Variants in NDUFS7 observed in about 807,000 individuals in gnomAD.
NDUFS7 encodes NADH:ubiquinone oxidoreductase core subunit S7.
Under a neutral mutation model 31.1 loss-of-function variants are expected in NDUFS7, and 11 were observed. That is an observed-to-expected ratio of 0.35 (90% CI 0.22 to 0.59). NDUFS7 has a LOEUF of 0.59. Ranked by LOEUF, NDUFS7 falls within the 20% of genes least tolerant of loss-of-function variation. The probability of loss-of-function intolerance (pLI) is 0.79; values close to 1 mark genes in which losing one functional copy is unlikely to be tolerated. For synonymous variants in NDUFS7, 136 were observed against 127.9 expected (o/e 1.06, Z -0.43); for missense variants, 263 against 324.2 (o/e 0.81, Z 1.45).
In NDUFS7 at chr19:1,395,359, C is replaced by T. The variant is rs200702059; in HGVS notation, c.545-32C>T. ...CACGCGGTCACGCGGGCTCCGGCTG[C>T]GGGAAGCGAGACTGAGGCAAGGTCC... On this transcript the variant is annotated intron_variant, in intron 7 of 7. Coordinates refer to ENST00000233627, the MANE Select transcript of NDUFS7 (RefSeq NM_024407.5). 105 of 1,587,592 alleles carry T rather than the reference C, an allele frequency of 6.6e-5. 1 individual carries two copies. The Admixed American group carries it at 1.5e-3, about 22-fold the overall frequency.
chr19:1,389,451 G>T, intron 4 of NDUFS7: 1 of 457,846 alleles, frequency 2.2e-6, no homozygotes, highest in Non-Finnish European at 4.4e-6. Context: ...GGACCCTCCC[G>T]GAGGCCCCTG....
chr19:1,391,285 C>A, intron 6 of NDUFS7, 120 bp downstream of exon 6: 1 of 1,298,962 alleles, frequency 7.7e-7, no homozygotes, highest in Non-Finnish European at 1.1e-6. Context: ...GTGGTCCCGG[C>A]GCTGCCCTTC....
Position 1,388,902 on chromosome 19 carries a change from G to A in NDUFS7, c.192G>A (p.Val64=), listed in dbSNP as rs759573368. 3 of 1,610,286 alleles carry A rather than the reference G, an allele frequency of 1.9e-6. No individual in the cohort carries two copies. Among genetic ancestry groups the A allele is most frequent in the Middle Eastern group, 1.7e-4 (1 of 6,056 alleles). ...PKPSSRGEYV[V]AKLDDLVNWA... is the part of the protein sequence containing the mutation. ...CCAGCAGCCGGGGCGAGTATGTGGT[G>A]GCCAAGCTGGATGACCTCGTCAACT... The change falls in exon 4 of 8, where the codon GTG becomes GTA. Residue 64 remains valine, a synonymous_variant. Coordinates refer to ENST00000233627, the MANE Select transcript of NDUFS7 (RefSeq NM_024407.5).
chr19:1,391,242 C>G, intron 6 of NDUFS7, 77 bp downstream of exon 6: 1 of 1,508,994 alleles, frequency 6.6e-7, no homozygotes. Flanking sequence ...TGGCGCTTAT[C>G]AAAAGTGTCA....
intron 4 of NDUFS7, chr19:1,389,453 A>C: frequency 2.2e-6 from 1 of 457,810 alleles, no homozygotes; most frequent in South Asian, 1.5e-5. Flanking sequence ...ACCCTCCCGG[A>C]GGCCCCTGTG....
chr19:1,388,814 C>G lies in NDUFS7; in HGVS notation c.123-19C>G, dbSNP rs1367535296. 1 of 1,576,944 alleles carries G rather than the reference C, an allele frequency of 6.3e-7. No homozygotes were observed. The highest frequency in any genetic ancestry group is 1.3e-5 in the African/African-American group (1 of 74,234). On this transcript the variant is annotated intron_variant, in intron 3 of 7. Transcript: ENST00000233627. ...CCTGCGTGGCTGACGCCTCCTGTGC[C>G]CGTGTGTCTCTGTGCCAGCACCCAG... is the stretch of plus-strand genomic sequence containing the variant.
In NDUFS7 at chr19:1,387,832, G is replaced by T. The variant is rs373814004; in HGVS notation, c.38G>T (p.Arg13Leu). The T allele has an allele frequency of 6.2e-7, 1 of 1,610,078 alleles. No individual in the cohort carries two copies. The highest frequency in any genetic ancestry group is 8.5e-7 in the Non-Finnish European group (1 of 1,179,650). ...VLSAPGLRGF[R>L]ILGLRSSVGP... ...GCAGCTCCTGGCCTGCGCGGCTTCCGGATCCTTGGTCTGCGGTGAGTGCCT... is the reference window on the plus strand; with the variant it reads ...GCAGCTCCTGGCCTGCGCGGCTTCCTGATCCTTGGTCTGCGGTGAGTGCCT... The change falls in exon 2 of 8, where the codon CGG (arginine) becomes CTG (leucine). Residue 13 changes from arginine to leucine, a missense_variant. Coordinates refer to ENST00000233627, the MANE Select transcript of NDUFS7 (RefSeq NM_024407.5).
At chr19:1,388,653 T>G in intron 3 of NDUFS7, 60 bp downstream of exon 3, 2 of 1,558,602 alleles carry the variant, frequency 1.3e-6, no homozygotes, top group Non-Finnish European at 1.8e-6. Context: ...CCCTTCCTTA[T>G]TTTCTGCATC....
Position 1,387,919 on chromosome 19 carries a change from GT to G in NDUFS7, c.53+73del, listed in dbSNP as rs149945051. On this transcript the variant is annotated intron_variant, in intron 2 of 7. Coordinates refer to ENST00000233627, the MANE Select transcript of NDUFS7 (RefSeq NM_024407.5). ...GCGACAGACGAACGGGGCGGGGGGG[GT>G]GGGGGGTGGGGGGAGCGCCTTGTTG... The G allele has an allele frequency of 0.23, 71,360 of 308,446 alleles. 17,728 individuals carry two copies. The highest frequency in any genetic ancestry group is 0.33 in the African/African-American group (10,229 of 31,034). 19.1% of individuals were successfully genotyped at this position (308,446 alleles called of 1,614,324 possible).
At chr19:1,391,076 C>T (rs375498665) in intron 5 of NDUFS7, 26 bp downstream of exon 5, 101 of 1,612,358 alleles carry the variant, frequency 6.3e-5, no homozygotes, top group African/African-American at 4.9e-4. Flanking sequence ...GCCGCCCAGC[C>T]GCCCCCAGAG....
intron 4 of NDUFS7, chr19:1,389,633 C>G: frequency 2.5e-6 from 1 of 402,900 alleles, no homozygotes; most frequent in Non-Finnish European, 5.1e-6. Flanking sequence ...AGATCCTTCT[C>G]GGTACCCGTT....
intron 7 of NDUFS7, chr19:1,395,086 T>C: frequency 7.7e-7 from 1 of 1,296,078 alleles, no homozygotes; most frequent in Non-Finnish European, 9.9e-7. Context: ...CATTGAGTCC[T>C]GAGGGCTGGG....
chr19:1,389,075 A>G, intron 4 of NDUFS7, 137 bp downstream of exon 4: 2 of 777,788 alleles, frequency 2.6e-6, no homozygotes, highest in South Asian at 1.5e-5. Flanking sequence ...GCACATGTGC[A>G]TGCAAGCTCA....
intron 7 of NDUFS7, 52 bp from the exon 8 acceptor site, chr19:1,395,339 G>C: frequency 6.4e-7 from 1 of 1,567,238 alleles, no homozygotes; most frequent in Non-Finnish European, 8.6e-7. Flanking sequence ...CTGTGCACGC[G>C]GTCACGCGGG....
chr19:1,395,169 T>C (rs1250191579), intron 7 of NDUFS7: 2 of 1,414,270 alleles, frequency 1.4e-6, no homozygotes. Flanking sequence ...GAGCCACGGG[T>C]GGAGGGCAGT....
intron 1 of NDUFS7, 67 bp from the exon 2 acceptor site, chr19:1,387,744 G>C: frequency 2.0e-6 from 3 of 1,478,880 alleles, no homozygotes; most frequent in Non-Finnish European, 2.8e-6. Context: ...TGATGGGGAA[G>C]CGCCTGGAGG....
At chr19:1,394,586 CTCGG>C (rs1348311929) in intron 7 of NDUFS7, 13 of 1,220,362 alleles carry the variant, frequency 1.1e-5, no homozygotes, top group African/African-American at 8.4e-5. Flanking sequence ...GCGGACCGCG[CTCGG>C]CCCTCCCTGG....
At chr19:1,394,986 C>T (rs928363110) in intron 7 of NDUFS7, 1 of 1,130,800 alleles carries the variant, frequency 8.8e-7, no homozygotes, top group African/African-American at 1.6e-5. Context: ...CCTCCCCTCC[C>T]TCCGCCCAGC....
In NDUFS7 at chr19:1,390,838, G is replaced by A. The variant is rs537597247; in HGVS notation, c.229-33G>A. ...CACGCTGGGCCACGCGGGGCTCCGG[G>A]GGTGGCGTCTGACCCGAGCCCGGCC... On this transcript the variant is annotated intron_variant, in intron 4 of 7. Transcript: ENST00000233627. 116 of 1,600,374 alleles carry A rather than the reference G, an allele frequency of 7.2e-5. 3 individuals are homozygous for A. In the South Asian group the frequency reaches 7.9e-4, roughly 11 times the overall value.
Sources: allele counts gnomAD v4.1 joint callset, GRCh38; gene constraint gnomAD v4.1.1; transcripts MANE v1.5; gene names NCBI Gene and HGNC (gene_info 2026-07-23, HGNC 2026-07-21).